DKK2: variants seen among roughly 807,000 people sequenced by gnomAD.
The protein encoded by DKK2 is dickkopf Wnt signaling pathway inhibitor 2, also known as dickkopf-related protein 2.
In DKK2, 11 loss-of-function variants were observed where a neutral mutation model predicts 28.1. The observed-to-expected ratio is 0.39, with a 90% confidence interval of 0.25 to 0.65. The LOEUF is 0.65. Ranked by LOEUF, DKK2 falls within the 30% of genes least tolerant of loss-of-function variation. The pLI, the probability that DKK2 is intolerant of heterozygous loss-of-function variation, is 0.47. For missense variants in DKK2, 326 were observed against 335.5 expected (o/e 0.97, Z 0.22); for synonymous variants, 135 against 126.5 (o/e 1.07, Z -0.45).
Position 106,924,153 on chromosome 4 carries a change from C to A in DKK2, c.581G>T (p.Cys194Phe), listed in dbSNP as rs1168309109. The change falls in exon 4 of 4, where the codon TGC (cysteine) becomes TTC (phenylalanine). Residue 194 changes from cysteine (C) to phenylalanine (F), a missense_variant. Coordinates refer to ENST00000285311, the MANE Select transcript of DKK2 (RefSeq NM_014421.3). The part of the protein sequence containing the change: ...LRSSDCIEGF[C>F]CARHFWTKIC... ...TTTGGTCCAGAAATGACGAGCACAG[C>A]AAAACCCTTCAATGCAGTCTGATGA... is the stretch of plus-strand genomic sequence containing the variant. 1 of 1,613,938 alleles carries A rather than the reference C, an allele frequency of 6.2e-7. No homozygotes were observed.
intron 1 of DKK2, among the ~76,000 whole-genome samples, chr4:106,973,546 T>G (rs1335170065): frequency 6.6e-6 from 1 of 152,236 alleles, no homozygotes; most frequent in Non-Finnish European, 1.5e-5. Context: ...TTGAGAAGTG[T>G]CTCTTCATAA....
intron 1 of DKK2, among the ~76,000 whole-genome samples, chr4:107,026,150 G>A (rs1176754415): frequency 1.3e-5 from 2 of 152,126 alleles, no homozygotes; most frequent in Non-Finnish European, 2.9e-5. Flanking sequence ...TGTTGTATAA[G>A]TTCTTGAAAC....
At chr4:106,998,737 A>G (rs1723313044) in intron 1 of DKK2, among the ~76,000 whole-genome samples, 1 of 152,210 alleles carries the variant, frequency 6.6e-6, no homozygotes, top group South Asian at 2.1e-4. Flanking sequence ...TCTTTTCAGA[A>G]AAGGAAATCA....
chr4:107,016,200 G>A (rs932986779), intron 1 of DKK2, among the ~76,000 whole-genome samples: 1 of 151,816 alleles, frequency 6.6e-6, no homozygotes, highest in African/African-American at 2.4e-5. Context: ...CATTCTCCTT[G>A]TTTGCTTAGC....
chr4:106,961,720 C>T (rs1008407599), intron 1 of DKK2, among the ~76,000 whole-genome samples: 12 of 152,118 alleles, frequency 7.9e-5, no homozygotes, highest in Admixed American at 6.6e-5. Flanking sequence ...GACAGGCCAG[C>T]AGTCAATTAT....
At chr4:106,950,668 A>G (rs1431770473) in intron 1 of DKK2, among the ~76,000 whole-genome samples, 3 of 152,156 alleles carry the variant, frequency 2.0e-5, no homozygotes, top group Non-Finnish European at 4.4e-5. Context: ...AGGGCTGAGC[A>G]CAAGTTCTCT....
intron 1 of DKK2, among the ~76,000 whole-genome samples, chr4:106,945,766 T>A (rs1218153909): frequency 2.0e-5 from 3 of 152,136 alleles, no homozygotes; most frequent in Non-Finnish European, 4.4e-5. Flanking sequence ...GATAGAGCAA[T>A]ATGTTTTCTA....
chr4:106,940,918 T>G (rs1398262926), intron 1 of DKK2, among the ~76,000 whole-genome samples: 2 of 151,058 alleles, frequency 1.3e-5, no homozygotes, highest in African/African-American at 4.9e-5. Context: ...TGAGATCACA[T>G]GGACACAGGA....
intron 1 of DKK2, among the ~76,000 whole-genome samples, chr4:106,976,198 G>A (rs1273961198): frequency 6.6e-6 from 1 of 152,184 alleles, no homozygotes; most frequent in African/African-American, 2.4e-5. Flanking sequence ...ATGTGGTGCT[G>A]AGAAGAATGT....
intron 1 of DKK2, among the ~76,000 whole-genome samples, chr4:106,955,736 A>G (rs1488802402): frequency 6.6e-6 from 1 of 152,214 alleles, no homozygotes; most frequent in Admixed American, 6.5e-5. Flanking sequence ...AGAACAAATA[A>G]AAAAACCATA....
Position 106,921,825 on chromosome 4 carries a change from T to C in DKK2, c.*2129A>G, listed in dbSNP as rs969861447. The C allele has an allele frequency of 6.6e-6, 1 of 152,652 alleles. No homozygotes were observed. Among genetic ancestry groups the C allele is most frequent in the Admixed American group, 6.6e-5 (1 of 15,262 alleles). 9.5% of individuals were successfully genotyped at this position (152,652 alleles called of 1,614,324 possible). On this transcript the variant is annotated 3_prime_UTR_variant, in exon 4 of 4. Transcript: ENST00000285311. The stretch of plus-strand genomic sequence containing the variant: ...AATTCAGTTTTTAGAGGAGAAAAAT[T>C]TAATAGATTTTATCTTATTATACAT...
intron 1 of DKK2, among the ~76,000 whole-genome samples, chr4:106,970,740 T>C (rs1003572262): frequency 6.6e-6 from 1 of 152,054 alleles, no homozygotes; most frequent in African/African-American, 2.4e-5. Flanking sequence ...CTGCTGATCA[T>C]TGGAAAATCT....
intron 1 of DKK2, among the ~76,000 whole-genome samples, chr4:107,030,540 A>G (rs1016885179): frequency 2.0e-5 from 3 of 152,018 alleles, no homozygotes; most frequent in Non-Finnish European, 4.4e-5. Context: ...TCAGATAAAT[A>G]ACTAAAAACG....
At chr4:106,981,183 T>C (rs756065647) in intron 1 of DKK2, among the ~76,000 whole-genome samples, 19 of 151,792 alleles carry the variant, frequency 1.3e-4, no homozygotes, top group Admixed American at 2.6e-4. Context: ...TAAAGCAAAA[T>C]TGTGCCCTAA....
In DKK2 at chr4:107,036,271, T is replaced by G. The variant is rs1234837836; in HGVS notation, c.-680A>C. 6.6e-6 allele frequency: 1 copy of G among 152,136 alleles called. No individual in the cohort carries two copies. The highest frequency in any genetic ancestry group is 1.5e-5 in the Non-Finnish European group (1 of 68,174). 9.4% of individuals were successfully genotyped at this position (152,136 alleles called of 1,614,324 possible). A position where few individuals can be genotyped will look rare whatever the true frequency, so the allele number is the denominator to read the frequency against. On this transcript the variant is annotated 5_prime_UTR_variant, in exon 1 of 4. Coordinates refer to ENST00000285311, the MANE Select transcript of DKK2 (RefSeq NM_014421.3). Reference sequence around the variant, plus strand: ...CGCAGCGATGCCTAGGGAGCGGACTTGCGCTACGCTCGCCGCGGGCTCCCG... The same window carrying G: ...CGCAGCGATGCCTAGGGAGCGGACTGGCGCTACGCTCGCCGCGGGCTCCCG...
chr4:106,929,090 A>ATTG (rs1724464711), intron 1 of DKK2, among the ~76,000 whole-genome samples: 1 of 152,176 alleles, frequency 6.6e-6, no homozygotes, highest in African/African-American at 2.4e-5. Context: ...TCCAAAGGCC[A>ATTG]TTGTCTAGTC....
At position 106,924,124 on chromosome 4, in the gene DKK2, A is replaced by T; in HGVS notation, c.610T>A (p.Cys204Ser). ...TCCCCCTGATGGAGCACTGGTTTGC[A>T]GATTTTGGTCCAGAAATGACGAGCA... The part of the protein sequence containing the change: ...CCARHFWTKI[C>S]KPVLHQGEVC... Residue 204 changes from cysteine to serine, a missense_variant, in exon 4 of 4, where the codon TGC (cysteine) becomes AGC (serine). Physicochemically the swap from Cys to Ser is moderately radical, Grantham distance 112. Transcript: ENST00000285311. 1 of 1,614,042 alleles carries T rather than the reference A, an allele frequency of 6.2e-7. No homozygotes were observed. The highest frequency in any genetic ancestry group is 8.5e-7 in the Non-Finnish European group (1 of 1,179,932).
chr4:106,934,286 A>G (rs1412452835), intron 1 of DKK2, among the ~76,000 whole-genome samples: 1 of 152,214 alleles, frequency 6.6e-6, no homozygotes, highest in Non-Finnish European at 1.5e-5. Context: ...AATGCAATTT[A>G]AAGAGGAGCT....
At chr4:106,947,996 C>A (rs528043893) in intron 1 of DKK2, among the ~76,000 whole-genome samples, 72 of 152,210 alleles carry the variant, frequency 4.7e-4, no homozygotes, top group African/African-American at 1.7e-3. Flanking sequence ...TTTGTACATT[C>A]ACAATGTCAT....
Sources: gnomAD v4.1 joint callset for allele counts (sites outside exome capture counted in the v4.1 genomes callset) on GRCh38, gnomAD v4.1.1 for gene constraint, MANE v1.5 for transcripts, NCBI Gene and HGNC (gene_info 2026-07-23, HGNC 2026-07-21) for gene names.